Variants in TEAD4 observed in about 807,000 individuals in gnomAD.
TEAD4 encodes the protein transcriptional enhancer factor TEF-3.
TEAD4 carries 36 observed loss-of-function variants against 52.4 expected under a neutral mutation model. That is an observed-to-expected ratio of 0.69 (90% CI 0.53 to 0.91). The LOEUF is 0.91. Among genes scored for constraint, TEAD4 ranks in the 40% least tolerant of loss-of-function variants. The probability of loss-of-function intolerance (pLI) is 0.00; values close to 1 mark genes in which losing one functional copy is unlikely to be tolerated. For synonymous variants in TEAD4, 220 were observed against 231.0 expected (o/e 0.95, Z 0.43); for missense variants, 508 against 583.9 (o/e 0.87, Z 1.34).
At chr12:3,016,754 A>G (rs867509164) in intron 5 of TEAD4, among the ~76,000 whole-genome samples, 1 of 152,160 alleles carries the variant, frequency 6.6e-6, no homozygotes, top group Non-Finnish European at 1.5e-5. Flanking sequence ...AACGATTACT[A>G]TTGTTACCCG....
chr12:2,999,297 C>G lies in TEAD4; in HGVS notation c.226+4305C>G, dbSNP rs556264169. Among the ~76,000 whole-genome samples, 17 of 152,172 alleles carry G rather than the reference C, an allele frequency of 1.1e-4. No individual in the cohort carries two copies. The South Asian group carries it at 1.4e-3, about 13-fold the overall frequency. ...CCCAGAGCTCTGGTCTTTTCTCCCC[C>G]CTCACTTCCCTGCATCCAAAGGCCA... is the stretch of plus-strand genomic sequence containing the variant. On this transcript the variant is annotated intron_variant, in intron 3 of 12. Coordinates refer to ENST00000359864, the MANE Select transcript of TEAD4 (RefSeq NM_003213.4).
At chr12:3,006,518 A>C (rs1385184789) in intron 3 of TEAD4, among the ~76,000 whole-genome samples, 1 of 151,786 alleles carries the variant, frequency 6.6e-6, no homozygotes, top group Non-Finnish European at 1.5e-5. Flanking sequence ...ACATGGAGAA[A>C]CCTTATCTCT....
chr12:3,007,836 C>A (rs1163930718), intron 3 of TEAD4, among the ~76,000 whole-genome samples: 1 of 152,160 alleles, frequency 6.6e-6, no homozygotes, highest in African/African-American at 2.4e-5. Context: ...TCAATGAGAC[C>A]AGGATAGGAC....
At chr12:2,988,178 A>G (rs989945835) in intron 2 of TEAD4, among the ~76,000 whole-genome samples, 1 of 152,106 alleles carries the variant, frequency 6.6e-6, no homozygotes, top group Non-Finnish European at 1.5e-5. Flanking sequence ...ATTCATGAAC[A>G]CAGTTTCTCT....
chr12:3,029,897 G>A (rs2098274460), intron 10 of TEAD4, among the ~76,000 whole-genome samples: 1 of 152,152 alleles, frequency 6.6e-6, no homozygotes. Flanking sequence ...CAATAAATAT[G>A]TGTGTTTACT....
chr12:3,022,053 G>A, intron 10 of TEAD4, 36 bp downstream of exon 10: 3 of 1,608,514 alleles, frequency 1.9e-6, no homozygotes, highest in Non-Finnish European at 2.5e-6. Context: ...CCTGCCACCA[G>A]CGTGTCCGTG....
intron 10 of TEAD4, among the ~76,000 whole-genome samples, chr12:3,029,233 A>ATTTTT (rs71057880): frequency 5.7e-4 from 62 of 109,594 alleles, no homozygotes; most frequent in Admixed American, 7.4e-4. Context: ...CGCCTGGCCA[A>ATTTTT]TTTTTTTTTT....
At position 2,960,926 on chromosome 12, in the gene TEAD4, G is replaced by A. The variant is rs2153951762; in HGVS notation, c.-30+886G>A. On this transcript the variant is annotated intron_variant, in intron 2 of 12. Coordinates refer to ENST00000359864, the MANE Select transcript of TEAD4 (RefSeq NM_003213.4). ...GTGGCCTCCAGGCTCCGTTTCCCCTGGACCGGGCAGAGCTGGAAGGAAGCT... is the reference window on the plus strand; with the variant it reads ...GTGGCCTCCAGGCTCCGTTTCCCCTAGACCGGGCAGAGCTGGAAGGAAGCT... Among the ~76,000 whole-genome samples, 2 of 152,264 alleles carry A rather than the reference G, an allele frequency of 1.3e-5. 1 individual carries two copies. Among genetic ancestry groups the A allele is most frequent in the South Asian group, 4.2e-4 (2 of 4,818 alleles).
At chr12:3,018,477 C>T in intron 6 of TEAD4, 68 bp from the exon 7 acceptor site, 2 of 1,594,492 alleles carry the variant, frequency 1.3e-6, no homozygotes, top group African/African-American at 1.3e-5. Context: ...GTCCTACCCC[C>T]ACCCCCACAC....
At chr12:2,986,562 C>T (rs547648648) in intron 2 of TEAD4, among the ~76,000 whole-genome samples, 78 of 151,786 alleles carry the variant, frequency 5.1e-4, no homozygotes, top group African/African-American at 1.8e-3. Context: ...ATCGCTTGAC[C>T]TCAGGAAGCA....
At chr12:3,015,447 G>A (rs1264913080) in intron 5 of TEAD4, among the ~76,000 whole-genome samples, 4 of 152,348 alleles carry the variant, frequency 2.6e-5, no homozygotes, top group Admixed American at 2.6e-4. Context: ...GGGTGAAATG[G>A]TCACCTTGAG....
chr12:2,973,894 T>G (rs1419362836), intron 2 of TEAD4, among the ~76,000 whole-genome samples: 1 of 151,970 alleles, frequency 6.6e-6, no homozygotes, highest in Non-Finnish European at 1.5e-5. Flanking sequence ...AGGTGCTGGG[T>G]GTGTGGCTGG....
Position 2,994,765 on chromosome 12 carries a change from C to G in TEAD4, c.-2C>G. Reference sequence around the variant, plus strand: ...CCAACGAGCGCTCCTCCAAGCGGAGCCTTGGAGGGCACGGCCGGCACCATT... The same window carrying G: ...CCAACGAGCGCTCCTCCAAGCGGAGGCTTGGAGGGCACGGCCGGCACCATT... On this transcript the variant is annotated 5_prime_UTR_variant, in exon 3 of 13. Coordinates refer to ENST00000359864, the MANE Select transcript of TEAD4 (RefSeq NM_003213.4). The surrounding 1 kb of genome is among the most constrained non-coding windows in gnomAD (Gnocchi z 4.7). 1 of 1,607,464 alleles carries G rather than the reference C, an allele frequency of 6.2e-7. No homozygotes were observed. Among genetic ancestry groups the G allele is most frequent in the Non-Finnish European group, 8.5e-7 (1 of 1,176,708 alleles).
intron 10 of TEAD4, among the ~76,000 whole-genome samples, chr12:3,033,401 G>A (rs2098277115): frequency 6.6e-6 from 1 of 152,212 alleles, no homozygotes; most frequent in Non-Finnish European, 1.5e-5. Context: ...CTCCCCCAGA[G>A]CCCCGCAAGT....
At chr12:3,004,012 A>T (rs1220711438) in intron 3 of TEAD4, among the ~76,000 whole-genome samples, 6 of 152,132 alleles carry the variant, frequency 3.9e-5, no homozygotes, top group Admixed American at 1.3e-4. Context: ...CTGTAGGCCC[A>T]CGCTCCCTAC....
At chr12:3,015,989 T>C (rs937484950) in intron 5 of TEAD4, among the ~76,000 whole-genome samples, 1 of 152,074 alleles carries the variant, frequency 6.6e-6, no homozygotes, top group Non-Finnish European at 1.5e-5. Context: ...CAGCCTGGGC[T>C]AATGAGATGC....
At chr12:3,007,210 A>G (rs1347248251) in intron 3 of TEAD4, among the ~76,000 whole-genome samples, 1 of 152,172 alleles carries the variant, frequency 6.6e-6, no homozygotes, top group Non-Finnish European at 1.5e-5. Flanking sequence ...GCAGAGGCTG[A>G]GTCCTCTGTG....
At chr12:2,986,968 A>G (rs10848760) in intron 2 of TEAD4, among the ~76,000 whole-genome samples, 101,557 of 152,148 alleles carry the variant, frequency 0.67, 39,403 homozygotes, top group Non-Finnish European at 0.86. Context: ...TTTGTTATGC[A>G]GTGCATGACT....
intron 10 of TEAD4, among the ~76,000 whole-genome samples, chr12:3,036,762 G>T (rs1281398117): frequency 6.6e-6 from 1 of 152,100 alleles, no homozygotes; most frequent in Non-Finnish European, 1.5e-5. Context: ...TGTGGGGCTG[G>T]AGTTCTGGGC....
Sources: gnomAD v4.1 joint callset for allele counts (sites outside exome capture counted in the v4.1 genomes callset) on GRCh38, gnomAD v4.1.1 for gene constraint, Gnocchi (gnomAD v3.1) non-coding constraint, MANE v1.5 for transcripts, NCBI Gene and HGNC (gene_info 2026-07-23, HGNC 2026-07-21) for gene names.